CACNG8: variants seen among roughly 807,000 people sequenced by gnomAD.
The protein encoded by CACNG8 is voltage-dependent calcium channel gamma-8 subunit.
A neutral mutation model predicts 26.9 loss-of-function variants in CACNG8; 5 were observed. The ratio of observed to expected loss-of-function variants is 0.19; its 90% CI spans 0.10 to 0.39. The LOEUF (loss-of-function observed/expected upper bound fraction) is 0.39, where lower values mean the gene tolerates loss of function less well. Among genes scored for constraint, CACNG8 ranks in the 10% least tolerant of loss-of-function variants. The pLI, the probability that CACNG8 is intolerant of heterozygous loss-of-function variation, is 1.00. For missense variants in CACNG8, 473 were observed against 609.4 expected, an observed-to-expected ratio of 0.78 and a Z score of 2.36; for synonymous variants, 321 against 296.7, an observed-to-expected ratio of 1.08 and a Z score of -0.84.
At chr19:53,963,453 C>T in intron 1 of CACNG8, 28 bp downstream of exon 1, 1 of 1,426,186 alleles carries the variant, frequency 7.0e-7, no homozygotes, top group East Asian at 2.8e-5. Context: ...CTCCCCGCAG[C>T]CCCCGCCGCT....
rs1317264480 is a variant in CACNG8 at position 53,989,397 on chromosome 19, A to G, written c.*6548A>G. The G allele has an allele frequency of 6.5e-6, 1 of 152,796 alleles. No homozygotes were observed. Among genetic ancestry groups the G allele is most frequent in the Non-Finnish European group, 1.5e-5 (1 of 68,108 alleles). 9.5% of individuals were successfully genotyped at this position (152,796 alleles called of 1,614,324 possible). On this transcript the variant is annotated 3_prime_UTR_variant, in exon 4 of 4. Coordinates refer to ENST00000270458, the MANE Select transcript of CACNG8 (RefSeq NM_031895.6). ...GAGAAGTCCCAGAGATAACAAAAAC[A>G]CAACCACAGAGATAGGGAGACGTAA...
At chr19:53,975,534 C>T (rs187858606) in intron 1 of CACNG8, among the ~76,000 whole-genome samples, 4 of 152,126 alleles carry the variant, frequency 2.6e-5, no homozygotes, top group East Asian at 1.9e-4. Flanking sequence ...CGTATGCCCC[C>T]ACACCCGGCT....
At position 53,989,078 on chromosome 19, in the gene CACNG8, G is replaced by A. The variant is rs1050936302; in HGVS notation, c.*6229G>A. ...AGGCTTGGCGTTTGAGACCAGCCTG[G>A]GCAATATAGTAAGACCCCGTCTCTA... On this transcript the variant is annotated 3_prime_UTR_variant, in exon 4 of 4. Coordinates refer to ENST00000270458, the MANE Select transcript of CACNG8 (RefSeq NM_031895.6). 1.3e-5 allele frequency: 2 copies of A among 152,238 alleles called. No individual in the cohort carries two copies. Among genetic ancestry groups the A allele is most frequent in the Non-Finnish European group, 2.9e-5 (2 of 68,098 alleles). The allele number at this position is 152,238 out of a possible 1,614,324, so 9.4% of individuals were successfully genotyped here. A position where few individuals can be genotyped will look rare whatever the true frequency, so the allele number is the denominator to read the frequency against.
At position 53,982,856 on chromosome 19, in the gene CACNG8, G is replaced by A. The variant is rs530004120; in HGVS notation, c.*7G>A. 6.0e-5 allele frequency: 78 copies of A among 1,306,940 alleles called. 4 individuals carry two copies. In the South Asian group the frequency reaches 1.2e-3, roughly 21 times the overall value. 81.0% of individuals were successfully genotyped at this position (1,306,940 alleles called of 1,614,324 possible). A position where few individuals can be genotyped will look rare whatever the true frequency, so the allele number is the denominator to read the frequency against. ...GAAAACCACGCCTGTGTAGGGGCGC[G>A]GCGGGGGAGCCGAGGGGCGTGTCCG... is the stretch of plus-strand genomic sequence containing the variant. On this transcript the variant is annotated 3_prime_UTR_variant, in exon 4 of 4. Coordinates refer to ENST00000270458, the MANE Select transcript of CACNG8 (RefSeq NM_031895.6). The surrounding 1 kb of genome is among the most constrained non-coding windows in gnomAD (Gnocchi z 8.4).
At chr19:53,964,257 G>A (rs1183819859) in intron 1 of CACNG8, among the ~76,000 whole-genome samples, 4 of 143,150 alleles carry the variant, frequency 2.8e-5, no homozygotes, top group Admixed American at 1.4e-4. Context: ...CCCCTTTCAC[G>A]GCCCAGTCTT....
chr19:53,980,262 T>C (rs1600035914), intron 3 of CACNG8, among the ~76,000 whole-genome samples: 1 of 151,502 alleles, frequency 6.6e-6, no homozygotes, highest in Non-Finnish European at 1.5e-5. Flanking sequence ...CACAGGCAGG[T>C]GTCTGGCGCG....
At chr19:53,980,107 A>G (rs1600035701) in intron 3 of CACNG8, 100 bp downstream of exon 3, 2 of 1,278,420 alleles carry the variant, frequency 1.6e-6, no homozygotes, top group East Asian at 2.9e-5. Context: ...CGTGAGTGCA[A>G]GTGCGCGTTC....
In CACNG8 at chr19:53,980,020, G is replaced by A. The variant is rs1474009974; in HGVS notation, c.508+13G>A. 16 of 1,599,776 alleles carry A rather than the reference G, an allele frequency of 1.0e-5. No homozygotes were observed. Among genetic ancestry groups the A allele is most frequent in the Non-Finnish European group, 1.3e-5 (15 of 1,173,274 alleles). On this transcript the variant is annotated intron_variant, in intron 3 of 3. Transcript: ENST00000270458. ...TTCGTGGCAGCAGGTGAGAGGCAGAGGGAGGGGGCGACCGGGGCGGCCCAC... is the reference window on the plus strand; with the variant it reads ...TTCGTGGCAGCAGGTGAGAGGCAGAAGGAGGGGGCGACCGGGGCGGCCCAC...
At chr19:53,973,399 C>T (rs755663283) in intron 1 of CACNG8, among the ~76,000 whole-genome samples, 2 of 151,738 alleles carry the variant, frequency 1.3e-5, no homozygotes, top group African/African-American at 4.8e-5. Context: ...GGCAGGTGCC[C>T]GTAATCCCAG....
chr19:53,971,950 C>T (rs747544950), intron 1 of CACNG8, among the ~76,000 whole-genome samples: 2 of 152,174 alleles, frequency 1.3e-5, no homozygotes, highest in Non-Finnish European at 2.9e-5. Context: ...ATAGCTTGAT[C>T]GGTGGCATTA....
chr19:53,963,476 AC>A, intron 1 of CACNG8, 51 bp downstream of exon 1: 1 of 1,408,618 alleles, frequency 7.1e-7, no homozygotes, highest in Non-Finnish European at 9.2e-7. Flanking sequence ...CCTCCGAGAG[AC>A]CCTGAGCCTC....
chr19:53,980,079 T>TGCGC (rs1401546083), intron 3 of CACNG8, 72 bp downstream of exon 3: 4 of 1,419,500 alleles, frequency 2.8e-6, no homozygotes, highest in East Asian at 2.7e-5. Context: ...TGTGTGTGTG[T>TGCGC]GTGTGTGCGC....
intron 3 of CACNG8, among the ~76,000 whole-genome samples, chr19:53,980,593 G>A (rs1600036282): frequency 6.6e-6 from 1 of 152,162 alleles, no homozygotes; most frequent in Non-Finnish European, 1.5e-5. Flanking sequence ...ATTTGGAGAA[G>A]GAGAGGCTAG....
rs2069394960 is a variant in CACNG8 at position 53,984,392 on chromosome 19, A to G, written c.*1543A>G. On this transcript the variant is annotated 3_prime_UTR_variant, in exon 4 of 4. Transcript: ENST00000270458. ...ACCGTGGCACACGGTGGACAGAGTGACCAACTGCCAGGAGTGAGCAGCACT... is the reference window on the plus strand; with the variant it reads ...ACCGTGGCACACGGTGGACAGAGTGGCCAACTGCCAGGAGTGAGCAGCACT... 6.6e-6 allele frequency: 1 copy of G among 152,242 alleles called. No homozygotes were observed. Among genetic ancestry groups the G allele is most frequent in the Non-Finnish European group, 1.5e-5 (1 of 68,068 alleles). The allele number at this position is 152,242 out of a possible 1,614,324, so 9.4% of individuals were successfully genotyped here. A position where few individuals can be genotyped will look rare whatever the true frequency, so the allele number is the denominator to read the frequency against.
intron 1 of CACNG8, among the ~76,000 whole-genome samples, chr19:53,976,066 C>A (rs540863105): frequency 6.6e-6 from 1 of 152,310 alleles, no homozygotes; most frequent in East Asian, 1.9e-4. Context: ...GTGGTGGAGG[C>A]CAGCGCAGTG....
chr19:53,965,779 G>C (rs2069268721), intron 1 of CACNG8, among the ~76,000 whole-genome samples: 1 of 152,024 alleles, frequency 6.6e-6, no homozygotes, highest in Non-Finnish European at 1.5e-5. Context: ...ACAAGGAGTT[G>C]GGGGAGGGGA....
chr19:53,978,088 T>C, intron 1 of CACNG8, 58 bp from the exon 2 acceptor site: 1 of 1,187,196 alleles, frequency 8.4e-7, no homozygotes, highest in South Asian at 1.3e-5. Context: ...TCAGTGGGGT[T>C]GCCCCGCCCC....
chr19:53,968,538 G>C (rs1174738356), intron 1 of CACNG8, among the ~76,000 whole-genome samples: 1 of 152,040 alleles, frequency 6.6e-6, no homozygotes, highest in African/African-American at 2.4e-5. Flanking sequence ...GGGAGGCTGA[G>C]ACAGGCGGAT....
At chr19:53,965,894 G>A (rs2069269698) in intron 1 of CACNG8, among the ~76,000 whole-genome samples, 1 of 151,982 alleles carries the variant, frequency 6.6e-6, no homozygotes, top group Non-Finnish European at 1.5e-5. Context: ...AAGAGATGGA[G>A]GAAAGTGCTT....
Sources: gnomAD v4.1 joint callset for allele counts (sites outside exome capture counted in the v4.1 genomes callset) on GRCh38, gnomAD v4.1.1 for gene constraint, Gnocchi (gnomAD v3.1) non-coding constraint, MANE v1.5 for transcripts, NCBI Gene and HGNC (gene_info 2026-07-23, HGNC 2026-07-21) for gene names.